C10orf90: variants seen among roughly 807,000 people sequenced by gnomAD.
C10orf90 encodes (E2-independent) E3 ubiquitin-conjugating enzyme FATS.
Under a neutral mutation model 62.5 loss-of-function variants are expected in C10orf90, and 56 were observed. The ratio of observed to expected loss-of-function variants is 0.90; its 90% CI spans 0.72 to 1.12. The LOEUF is 1.12. Ranked by LOEUF, C10orf90 falls within the 50% of genes most tolerant of loss-of-function variation. C10orf90 has a pLI of 0.00. For missense variants in C10orf90, 970 were observed against 880.4 expected, an observed-to-expected ratio of 1.10 and a Z score of -1.29; for synonymous variants, 386 against 340.4, an observed-to-expected ratio of 1.13 and a Z score of -1.47.
intron 2 of C10orf90, among the ~76,000 whole-genome samples, chr10:126,636,105 A>G (rs1451694720): frequency 1.3e-5 from 2 of 152,190 alleles, no homozygotes; most frequent in Non-Finnish European, 2.9e-5. Flanking sequence ...GAACAATGAC[A>G]CCTTTGAACA....
chr10:126,598,823 T>C (rs1048373076), intron 2 of C10orf90, among the ~76,000 whole-genome samples: 2 of 152,192 alleles, frequency 1.3e-5, no homozygotes, highest in African/African-American at 4.8e-5. Flanking sequence ...GGGAAAGGAA[T>C]GGATGAAAAC....
At chr10:126,621,383 T>C (rs1845641118) in intron 2 of C10orf90, among the ~76,000 whole-genome samples, 1 of 152,262 alleles carries the variant, frequency 6.6e-6, no homozygotes, top group Non-Finnish European at 1.5e-5. Context: ...TGACACTTAA[T>C]GGCAAAAACA....
At chr10:126,666,641 A>T (rs1846632828) in intron 1 of C10orf90, among the ~76,000 whole-genome samples, 1 of 152,144 alleles carries the variant, frequency 6.6e-6, no homozygotes, top group South Asian at 2.1e-4. Context: ...CCACTGAGTC[A>T]CAATGGCCAT....
rs1476053616 is a variant in C10orf90, at chr10:126,608,312, A to G, written c.313+38253T>C. ...TTTTTTGTAGAGAAGAGGTCTCACT[A>G]TGTTGCCCAGGCTGGTCTCAAACTC... On this transcript the variant is annotated intron_variant, in intron 2 of 9. Transcript: ENST00000488181. Among the ~76,000 whole-genome samples the G allele has an allele frequency of 3.9e-5, 6 of 152,106 alleles. No individual in the cohort carries two copies. In the East Asian group the frequency reaches 9.7e-4, roughly 25 times the overall value.
intron 7 of C10orf90, among the ~76,000 whole-genome samples, chr10:126,454,755 G>A (rs1413728004): frequency 6.6e-6 from 1 of 152,080 alleles, no homozygotes; most frequent in Admixed American, 6.5e-5. Context: ...GACAAATTCT[G>A]GAACACGCTA....
chr10:126,434,398 A>G (rs946335498), intron 7 of C10orf90, among the ~76,000 whole-genome samples: 4 of 152,190 alleles, frequency 2.6e-5, no homozygotes, highest in Non-Finnish European at 5.9e-5. Flanking sequence ...CCTTATCTAC[A>G]GCTCTGATTG....
At chr10:126,499,033 G>C (rs535579739) in intron 4 of C10orf90, among the ~76,000 whole-genome samples, 1 of 152,358 alleles carries the variant, frequency 6.6e-6, no homozygotes, top group South Asian at 2.1e-4. Flanking sequence ...GGATTTATTT[G>C]AATGCTAGAC....
intron 2 of C10orf90, among the ~76,000 whole-genome samples, chr10:126,544,576 A>C (rs1045563997): frequency 1.1e-4 from 16 of 152,018 alleles, no homozygotes; most frequent in Non-Finnish European, 2.2e-4. Context: ...GAAAGTTAAC[A>C]GAATTTGTGA....
intron 4 of C10orf90, among the ~76,000 whole-genome samples, chr10:126,490,039 TATA>T: frequency 1.8e-5 from 2 of 113,904 alleles, no homozygotes; most frequent in East Asian, 4.5e-4. Context: ...ATATATAATA[TATA>T]TTATATATTA....
chr10:126,591,889 T>C (rs1368302171), intron 2 of C10orf90, among the ~76,000 whole-genome samples: 2 of 151,994 alleles, frequency 1.3e-5, no homozygotes, highest in Non-Finnish European at 2.9e-5. Context: ...CCACTAGCAT[T>C]CCTATACACC....
intron 2 of C10orf90, among the ~76,000 whole-genome samples, chr10:126,543,804 T>A (rs1224333460): frequency 1.3e-5 from 2 of 152,198 alleles, no homozygotes; most frequent in Admixed American, 6.5e-5. Flanking sequence ...TTCAAGAAAA[T>A]GCTTTCTCAA....
At chr10:126,499,715 A>G (rs1234394381) in intron 4 of C10orf90, among the ~76,000 whole-genome samples, 1 of 152,212 alleles carries the variant, frequency 6.6e-6, no homozygotes, top group Non-Finnish European at 1.5e-5. Context: ...AACTCCACCG[A>G]GGACATCTCA....
intron 5 of C10orf90, chr10:126,463,492 T>C (rs1404910447): frequency 6.6e-6 from 1 of 152,372 alleles, no homozygotes; most frequent in Non-Finnish European, 1.5e-5. Flanking sequence ...AGAAAGGCCT[T>C]CCAACCTGAT....
chr10:126,633,591 T>G (rs1265855252), intron 2 of C10orf90, among the ~76,000 whole-genome samples: 1 of 152,174 alleles, frequency 6.6e-6, no homozygotes, highest in Admixed American at 6.5e-5. Context: ...GGGCTGAGCA[T>G]GGAGACCAAC....
At chr10:126,541,091 G>A (rs991156700) in intron 2 of C10orf90, among the ~76,000 whole-genome samples, 1 of 152,064 alleles carries the variant, frequency 6.6e-6, no homozygotes, top group African/African-American at 2.4e-5. Context: ...AAGATGAAGA[G>A]CTGGACTATA....
In C10orf90 at chr10:126,646,730, C is replaced by A. The variant is rs910336243; in HGVS notation, c.241-93G>T. ...TGTACATTATTTTTTTAATCAGGAA[C>A]ATCCTGGAATTTCTCAATTCTCCTG... is the stretch of plus-strand genomic sequence containing the variant. On this transcript the variant is annotated intron_variant, in intron 1 of 9. Transcript: ENST00000488181. 5 of 290,502 alleles carry A rather than the reference C, an allele frequency of 1.7e-5. No homozygotes were observed. In the East Asian group the frequency reaches 5.4e-4, roughly 32 times the overall value. The allele number at this position is 290,502 out of a possible 1,614,324, so 18.0% of individuals were successfully genotyped here. A position where few individuals can be genotyped will look rare whatever the true frequency, so the allele number is the denominator to read the frequency against.
chr10:126,443,808 C>A (rs575478088), intron 7 of C10orf90, among the ~76,000 whole-genome samples: 4 of 152,084 alleles, frequency 2.6e-5, no homozygotes, highest in South Asian at 4.2e-4. Context: ...AACAACATAT[C>A]AAAAAGATAA....
Position 126,453,397 on chromosome 10 carries a change from C to A in C10orf90, c.2188+5643G>T, listed in dbSNP as rs1044076167. On this transcript the variant is annotated intron_variant, in intron 7 of 9. Coordinates refer to ENST00000488181, the MANE Select transcript of C10orf90 (RefSeq NM_001350921.2). The surrounding 1 kb of genome is among the most constrained non-coding windows in gnomAD (Gnocchi z 4.9). ...GTGATCTGGAGGGATGCAAGAATAC[C>A]AAGATGCAAAGAGTGTTCAAATGGG... is the stretch of plus-strand genomic sequence containing the variant. Among the ~76,000 whole-genome samples the A allele has an allele frequency of 3.3e-5, 5 of 151,946 alleles. No individual in the cohort carries two copies. The highest frequency in any genetic ancestry group is 1.2e-4 in the African/African-American group (5 of 41,354).
intron 2 of C10orf90, among the ~76,000 whole-genome samples, chr10:126,607,556 C>T (rs1198558696): frequency 2.0e-5 from 3 of 152,192 alleles, no homozygotes; most frequent in African/African-American, 7.2e-5. Flanking sequence ...TTGAGAACTT[C>T]TGCGTGCCTC....
Sources: gnomAD v4.1 joint callset for allele counts (sites outside exome capture counted in the v4.1 genomes callset) on GRCh38, gnomAD v4.1.1 for gene constraint, Gnocchi (gnomAD v3.1) non-coding constraint, MANE v1.5 for transcripts, NCBI Gene and HGNC (gene_info 2026-07-23, HGNC 2026-07-21) for gene names.